Variants in RGS22 observed in about 807,000 individuals in gnomAD.
The protein encoded by RGS22 is regulator of G protein signaling 22.
Under a neutral mutation model 172.9 loss-of-function variants are expected in RGS22, and 148 were observed. That is an observed-to-expected ratio of 0.86 (90% CI 0.75 to 0.98). The LOEUF (loss-of-function observed/expected upper bound fraction) is 0.98. Among genes scored for constraint, RGS22 ranks in the 50% least tolerant of loss-of-function variants. The probability of loss-of-function intolerance (pLI) is 0.00; values close to 1 mark genes in which losing one functional copy is unlikely to be tolerated. For synonymous variants in RGS22, 458 were observed against 480.2 expected, an observed-to-expected ratio of 0.95 and a Z score of 0.60; for missense variants, 1,347 against 1,440.8, an observed-to-expected ratio of 0.93 and a Z score of 1.05.
intron 24 of RGS22, among the ~76,000 whole-genome samples, chr8:99,964,436 C>G (rs1810515965): frequency 6.7e-6 from 1 of 148,978 alleles, no homozygotes; most frequent in Non-Finnish European, 1.5e-5. Context: ...AGTTATCGTA[C>G]CAGTGCACTC....
intron 14 of RGS22, among the ~76,000 whole-genome samples, chr8:100,012,872 C>G (rs1467655219): frequency 6.6e-6 from 1 of 151,026 alleles, no homozygotes; most frequent in Non-Finnish European, 1.5e-5. Context: ...CAATTCAAAA[C>G]TATAGTTTAA....
intron 23 of RGS22, among the ~76,000 whole-genome samples, chr8:99,967,547 G>A (rs1332833052): frequency 1.3e-5 from 2 of 152,164 alleles, no homozygotes; most frequent in Non-Finnish European, 1.5e-5. Context: ...TTGGTAGGGG[G>A]AGGGGCGTCT....
intron 14 of RGS22, among the ~76,000 whole-genome samples, chr8:100,029,553 A>G (rs1818542978): frequency 6.6e-6 from 1 of 151,804 alleles, no homozygotes; most frequent in South Asian, 2.1e-4. Context: ...AATACAAAAC[A>G]TTAGCCAGGC....
At chr8:100,033,370 T>G (rs1819062539) in intron 14 of RGS22, among the ~76,000 whole-genome samples, 1 of 151,954 alleles carries the variant, frequency 6.6e-6, no homozygotes, top group African/African-American at 2.4e-5. Flanking sequence ...CAAACTACCA[T>G]CAGAGAATAC....
chr8:100,066,092 G>C (rs897512378), intron 7 of RGS22, 75 bp downstream of exon 7: 3 of 1,440,076 alleles, frequency 2.1e-6, no homozygotes, highest in Non-Finnish European at 1.9e-6. Flanking sequence ...ACTAAGTACT[G>C]TACTGTAAAA....
intron 16 of RGS22, among the ~76,000 whole-genome samples, chr8:100,005,532 C>G (rs1274653491): frequency 6.6e-6 from 1 of 152,118 alleles, no homozygotes; most frequent in East Asian, 1.9e-4. Flanking sequence ...ATCAAAATAA[C>G]ACTTTAATAT....
At chr8:100,079,813 T>A (rs1811615803) in intron 4 of RGS22, among the ~76,000 whole-genome samples, 1 of 152,118 alleles carries the variant, frequency 6.6e-6, no homozygotes, top group Non-Finnish European at 1.5e-5. Flanking sequence ...AAAACCCAAA[T>A]GAAATACATT....
Position 99,965,411 on chromosome 8 carries a change from G to T in RGS22, c.3539C>A (p.Ala1180Glu), listed in dbSNP as rs1810624964. The change falls in exon 24 of 28, where the codon GCA (alanine) becomes GAA (glutamate). Residue 1180 changes from alanine (A) to glutamate (E), a missense_variant. Ala to Glu is a moderately radical substitution (Grantham distance 107). Coordinates refer to ENST00000360863, the MANE Select transcript of RGS22 (RefSeq NM_015668.5). Reference sequence around the variant, plus strand: ...TTTGATAGCAGGCACTGAAGTATTTGCATATTGTTTGATTCCATCCTGTAA... The same window carrying T: ...TTTGATAGCAGGCACTGAAGTATTTTCATATTGTTTGATTCCATCCTGTAA... The part of the protein sequence containing the change: ...KSGKDGIKQY[A>E]NTSVPAIKTA... The T allele has an allele frequency of 1.9e-6, 3 of 1,611,132 alleles. No homozygotes were observed. Among genetic ancestry groups the T allele is most frequent in the Non-Finnish European group, 2.5e-6 (3 of 1,177,940 alleles).
intron 2 of RGS22, among the ~76,000 whole-genome samples, chr8:100,099,069 C>T (rs536557102): frequency 6.6e-5 from 10 of 152,018 alleles, no homozygotes; most frequent in Admixed American, 5.2e-4. Context: ...GTGCATGCCA[C>T]CAAGCCCAGC....
chr8:99,965,566 A>G (rs1810646865), intron 23 of RGS22, 136 bp from the exon 24 acceptor site: 2 of 546,926 alleles, frequency 3.7e-6, no homozygotes, highest in Non-Finnish European at 3.2e-6. Context: ...CATCAAGTCA[A>G]TATCACTAAT....
At chr8:100,079,531 T>C (rs1251231376) in intron 4 of RGS22, among the ~76,000 whole-genome samples, 1 of 152,202 alleles carries the variant, frequency 6.6e-6, no homozygotes, top group Non-Finnish European at 1.5e-5. Flanking sequence ...TAAACATTCA[T>C]TATTATTTTC....
chr8:99,993,996 C>A lies in RGS22; in HGVS notation c.3018+2466G>T, dbSNP rs1814063652. ...CAATAAATGTAATCCATCACATAAACAGAAACAATCACAAAAACCAGATGA... is the reference window on the plus strand; with the variant it reads ...CAATAAATGTAATCCATCACATAAAAAGAAACAATCACAAAAACCAGATGA... On this transcript the variant is annotated intron_variant, in intron 20 of 27. Transcript: ENST00000360863. Among the ~76,000 whole-genome samples, 3 of 152,168 alleles carry A rather than the reference C, an allele frequency of 2.0e-5. No individual in the cohort carries two copies. The South Asian group carries it at 6.2e-4, about 32-fold the overall frequency.
At chr8:100,089,211 AACACACAC>A (rs58302018) in intron 3 of RGS22, among the ~76,000 whole-genome samples, 1 of 144,538 alleles carries the variant, frequency 6.9e-6, no homozygotes, top group South Asian at 2.2e-4. Flanking sequence ...CACACACACA[AACACACAC>A]ACACACACAC....
At chr8:100,099,995 G>GT (rs1159013800) in intron 2 of RGS22, among the ~76,000 whole-genome samples, 1 of 152,096 alleles carries the variant, frequency 6.6e-6, no homozygotes, top group African/African-American at 2.4e-5. Context: ...AAACCACCAA[G>GT]TGGTCATTAA....
At chr8:100,066,129 G>A (rs1385580008) in intron 7 of RGS22, 38 bp downstream of exon 7, 11 of 1,588,870 alleles carry the variant, frequency 6.9e-6, no homozygotes, top group Non-Finnish European at 9.4e-6. Flanking sequence ...AAAACTTAAA[G>A]AGAAGTTCTG....
chr8:99,983,504 G>T (rs1258114966), intron 21 of RGS22, among the ~76,000 whole-genome samples: 1 of 152,032 alleles, frequency 6.6e-6, no homozygotes, highest in African/African-American at 2.4e-5. Context: ...CATTCTGATT[G>T]GTGTGAGATG....
chr8:100,029,160 C>T (rs1818497204), intron 14 of RGS22, among the ~76,000 whole-genome samples: 1 of 152,088 alleles, frequency 6.6e-6, no homozygotes, highest in Non-Finnish European at 1.5e-5. Flanking sequence ...ATGAATATTG[C>T]TAACAACCAT....
intron 2 of RGS22, among the ~76,000 whole-genome samples, chr8:100,099,647 C>T (rs1455177156): frequency 6.6e-6 from 1 of 152,180 alleles, no homozygotes; most frequent in Non-Finnish European, 1.5e-5. Flanking sequence ...ATCAATGGGA[C>T]TGTTAACAGT....
chr8:99,970,262 T>G (rs566221678), intron 23 of RGS22, among the ~76,000 whole-genome samples: 1 of 152,252 alleles, frequency 6.6e-6, no homozygotes, highest in African/African-American at 2.4e-5. Flanking sequence ...CAGCACTAAA[T>G]TCCCACATCA....
Sources: gnomAD v4.1 joint callset for allele counts (sites outside exome capture counted in the v4.1 genomes callset) on GRCh38, gnomAD v4.1.1 for gene constraint, MANE v1.5 for transcripts, NCBI Gene and HGNC (gene_info 2026-07-23, HGNC 2026-07-21) for gene names.